Variants in HEATR4 observed in about 807,000 individuals in gnomAD.
HEATR4 encodes the protein HEAT repeat containing 4.
In HEATR4, 95 loss-of-function variants were observed where a neutral mutation model predicts 108.8. That is an observed-to-expected ratio of 0.87 (90% CI 0.74 to 1.04). The LOEUF is 1.04. HEATR4 is among the 50% of genes least tolerant of loss of function. The pLI, the probability that HEATR4 is intolerant of heterozygous loss-of-function variation, is 0.00. For missense variants in HEATR4, 1,152 were observed against 1,253.8 expected, an observed-to-expected ratio of 0.92 and a Z score of 1.23; for synonymous variants, 443 against 459.4, an observed-to-expected ratio of 0.96 and a Z score of 0.46.
At chr14:73,519,291 GC>G in intron 4 of HEATR4, 128 bp from the exon 5 acceptor site, 1 of 814,598 alleles carries the variant, frequency 1.2e-6, no homozygotes, top group Non-Finnish European at 1.9e-6. Context: ...ATCCATGACT[GC>G]CATACTCTGG....
the HEATR4 span, among the ~76,000 whole-genome samples, chr14:73,593,501 C>G: frequency 6.7e-6 from 1 of 148,698 alleles, no homozygotes; most frequent in Non-Finnish European, 1.5e-5. Flanking sequence ...ACCACACTGA[C>G]TAATTAAAAA....
chr14:73,593,332 CTTTCTT>C, the HEATR4 span, among the ~76,000 whole-genome samples: 17 of 122,086 alleles, frequency 1.4e-4, no homozygotes, highest in Middle Eastern at 4.2e-3. Flanking sequence ...TCTTTTCTTT[CTTTCTT>C]TTTTTTTTTT....
chr14:73,612,534 C>CCGCGGA, the HEATR4 span: 1 of 1,233,162 alleles, frequency 8.1e-7, no homozygotes, highest in Non-Finnish European at 1.0e-6. Context: ...CCCACTGACT[C>CCGCGGA]CGCGGAGCTG....
the HEATR4 span, among the ~76,000 whole-genome samples, chr14:73,568,676 T>C: frequency 6.6e-6 from 1 of 151,992 alleles, no homozygotes; most frequent in Non-Finnish European, 1.5e-5. Flanking sequence ...TCCTAGCATT[T>C]TGGGAGGCTG....
chr14:73,631,341 T>C, the HEATR4 span: 1 of 152,122 alleles, frequency 6.6e-6, no homozygotes, highest in East Asian at 1.9e-4. Flanking sequence ...TGGGGTGCAG[T>C]GGTGCAATCC....
chr14:73,523,064 T>C lies in HEATR4; in HGVS notation c.89A>G (p.Asn30Ser). The part of the protein sequence containing the change: ...PPRLGWGMIL[N>S]YSKLKGKEEC... ...CTCCTTGCCTTTCAATTTTGAGTAG[T>C]TTAAAATCATGCCCCATCCCAGTCG... Residue 30 changes from asparagine (N) to serine (S), a missense_variant, in exon 3 of 18, where the codon AAC becomes AGC. Coordinates refer to ENST00000553558, the MANE Select transcript of HEATR4 (RefSeq NM_001220484.1). The C allele has an allele frequency of 2.5e-6, 4 of 1,613,780 alleles. No individual in the cohort carries two copies. The highest frequency in any genetic ancestry group is 3.4e-6 in the Non-Finnish European group (4 of 1,179,978).
the HEATR4 span, chr14:73,595,352 G>A: frequency 1.2e-6 from 2 of 1,614,216 alleles, no homozygotes; most frequent in African/African-American, 1.3e-5. Flanking sequence ...CCTGCTCATT[G>A]TTGGTCAGGA....
intron 17 of HEATR4, among the ~76,000 whole-genome samples, chr14:73,484,278 C>T (rs550126440): frequency 6.6e-6 from 1 of 152,058 alleles, no homozygotes; most frequent in African/African-American, 2.4e-5. Context: ...TCTGTTACGA[C>T]GTATAGCAAG....
At chr14:73,533,044 G>C (rs1192708780) in intron 1 of HEATR4, among the ~76,000 whole-genome samples, 1 of 115,250 alleles carries the variant, frequency 8.7e-6, no homozygotes, top group African/African-American at 2.8e-5. Context: ...AGGATCCTTT[G>C]AGCCCAGGAG....
At chr14:73,561,914 G>A (rs143823856), upstream of HEATR4, among the ~76,000 whole-genome samples, 56 of 152,218 alleles carry the variant, frequency 3.7e-4, no homozygotes, top group African/African-American at 1.3e-3. Flanking sequence ...GCACCTGGGT[G>A]TTGAGACTGC....
the HEATR4 span, chr14:73,592,185 G>C: frequency 2.1e-5 from 34 of 1,607,884 alleles, 2 homozygotes; most frequent in African/African-American, 1.8e-4. Context: ...CGCGGGACTC[G>C]AGCCCATGGG....
the HEATR4 span, among the ~76,000 whole-genome samples, chr14:73,600,578 AG>A: frequency 6.6e-6 from 1 of 151,792 alleles, no homozygotes; most frequent in African/African-American, 2.4e-5. Context: ...CAGCCTCCCA[AG>A]TAGCTGGGAT....
chr14:73,479,127 T>C (rs1393085279), intron 17 of HEATR4, among the ~76,000 whole-genome samples: 1 of 148,530 alleles, frequency 6.7e-6, no homozygotes, highest in Non-Finnish European at 1.5e-5. Flanking sequence ...GTTTGTTTGT[T>C]TTTTTTGAGA....
rs1566852011 is a variant in HEATR4 at position 73,544,058 on chromosome 14, C to T, written c.-151-13814G>A. ...CTGTAATCCTAGCACTTTGGGAGGC[C>T]AAGGTGCGCGGATTACTTGAGGTCA... On this transcript the variant is annotated intron_variant, in intron 1 of 17. Transcript: ENST00000553558. 1.7e-5 allele frequency among the ~76,000 whole-genome samples: 2 copies of T among 114,494 alleles called. 1 individual carries two copies. The highest frequency in any genetic ancestry group is 5.6e-5 in the African/African-American group (2 of 35,416). The allele number at this position is 114,494 out of a possible 152,430, so 75.1% of individuals were successfully genotyped here.
At chr14:73,497,254 G>A (rs1232823271) in intron 14 of HEATR4, among the ~76,000 whole-genome samples, 2 of 152,156 alleles carry the variant, frequency 1.3e-5, no homozygotes, top group East Asian at 1.9e-4. Context: ...TGGCCAGGCT[G>A]GTCTAGAACT....
At chr14:73,559,664 C>T (rs909695625), upstream of HEATR4, among the ~76,000 whole-genome samples, 1 of 151,956 alleles carries the variant, frequency 6.6e-6, no homozygotes, top group Non-Finnish European at 1.5e-5. Flanking sequence ...ATCGCTTGGA[C>T]CCAGGAAGCA....
the HEATR4 span, among the ~76,000 whole-genome samples, chr14:73,586,267 C>T: frequency 5.3e-5 from 8 of 151,828 alleles, no homozygotes; most frequent in Non-Finnish European, 1.0e-4. Flanking sequence ...GTGGCGCATG[C>T]CTGTAATCCC....
chr14:73,570,134 C>T, the HEATR4 span, among the ~76,000 whole-genome samples: 1 of 151,326 alleles, frequency 6.6e-6, no homozygotes, highest in Non-Finnish European at 1.5e-5. Context: ...CCGTCCCTGC[C>T]CTTTTCACAC....
chr14:73,509,114 G>A (rs573024431), intron 8 of HEATR4, among the ~76,000 whole-genome samples, 198 bp downstream of exon 8: 4 of 152,190 alleles, frequency 2.6e-5, no homozygotes, highest in African/African-American at 7.2e-5. Context: ...TGATCCTGTC[G>A]CCTTGGCCTC....
Sources: allele counts gnomAD v4.1 joint callset (sites outside exome capture counted in the v4.1 genomes callset), GRCh38; gene constraint gnomAD v4.1.1; transcripts MANE v1.5; gene names NCBI Gene and HGNC (gene_info 2026-07-23, HGNC 2026-07-21).